The following TMED8 variants were observed in gnomAD, a reference collection of about 807,000 sequenced individuals.
The protein encoded by TMED8 is protein TMED8.
TMED8 carries 15 observed loss-of-function variants against 32.7 expected under a neutral mutation model. The observed-to-expected ratio is 0.46, with a 90% CI of 0.31 to 0.71. The LOEUF is 0.71. Ranked by LOEUF, TMED8 falls within the 30% of genes least tolerant of loss-of-function variation. The pLI, the probability that TMED8 is intolerant of heterozygous loss-of-function variation, is 0.06. For missense variants in TMED8, 390 were observed against 423.9 expected (o/e 0.92, Z 0.70); for synonymous variants, 147 against 161.4 (o/e 0.91, Z 0.68).
chr14:77,364,674 C>T (rs937413211), intron 1 of TMED8, among the ~76,000 whole-genome samples: 2 of 152,110 alleles, frequency 1.3e-5, no homozygotes. Flanking sequence ...AATACAGGCA[C>T]CCTCACCACC....
At chr14:77,353,122 G>C (rs1308704120) in intron 1 of TMED8, among the ~76,000 whole-genome samples, 1 of 152,162 alleles carries the variant, frequency 6.6e-6, no homozygotes, top group Non-Finnish European at 1.5e-5. Context: ...AACCCAGGCA[G>C]TTGTGCCCTT....
intron 1 of TMED8, among the ~76,000 whole-genome samples, chr14:77,375,148 T>C (rs533465151): frequency 6.6e-6 from 1 of 152,316 alleles, no homozygotes; most frequent in African/African-American, 2.4e-5. Flanking sequence ...TTATCATTAC[T>C]ATTATTTTAT....
At chr14:77,356,242 T>C (rs1034275064) in intron 1 of TMED8, among the ~76,000 whole-genome samples, 3 of 152,192 alleles carry the variant, frequency 2.0e-5, no homozygotes, top group African/African-American at 7.2e-5. Flanking sequence ...TACAAATACC[T>C]GCATACCTAC....
At chr14:77,363,709 T>C (rs1893489793) in intron 1 of TMED8, among the ~76,000 whole-genome samples, 3 of 136,650 alleles carry the variant, frequency 2.2e-5, no homozygotes, top group Non-Finnish European at 4.7e-5. Flanking sequence ...ATTATTCCTC[T>C]TTTTTTTTTT....
intron 1 of TMED8, among the ~76,000 whole-genome samples, chr14:77,360,973 CTTTTT>C (rs71128616): frequency 2.3e-5 from 2 of 85,488 alleles, no homozygotes; most frequent in African/African-American, 5.1e-5. Flanking sequence ...GATCCTTTGC[CTTTTT>C]TTTTTTTTTT....
At chr14:77,352,356 G>A (rs1369042233) in intron 1 of TMED8, among the ~76,000 whole-genome samples, 2 of 152,016 alleles carry the variant, frequency 1.3e-5, no homozygotes, top group African/African-American at 4.8e-5. Flanking sequence ...GGAGGTTGCA[G>A]TGAGCAGAGA....
rs575380731 is a variant in TMED8, at chr14:77,346,565, G to A, written c.198-87C>T. ...GAAACTTTGAAATAAAACAACATTC[G>A]AGATACCCCCTGCCCCACCTGCCCC... On this transcript the variant is annotated intron_variant, in intron 2 of 5. Transcript: ENST00000216468. The A allele has an allele frequency of 6.4e-6, 10 of 1,552,784 alleles. No individual in the cohort carries two copies. The East Asian group carries it at 1.1e-4, about 17-fold the overall frequency.
At chr14:77,351,635 G>T (rs1893181074) in intron 2 of TMED8, 38 bp downstream of exon 2, 14 of 1,552,170 alleles carry the variant, frequency 9.0e-6, no homozygotes, top group Non-Finnish European at 1.2e-5. Context: ...CATCTCAGAA[G>T]ATAAAACCTG....
Position 77,376,998 on chromosome 14 carries a change from G to C in TMED8, c.56C>G (p.Pro19Arg). The C allele has an allele frequency of 7.0e-7, 1 of 1,438,750 alleles. No individual in the cohort carries two copies. The highest frequency in any genetic ancestry group is 9.1e-7 in the Non-Finnish European group (1 of 1,104,620). The allele number at this position is 1,438,750 out of a possible 1,614,324, so 89.1% of individuals were successfully genotyped here. The stretch of plus-strand genomic sequence containing the variant: ...GTCCCCGACGCCGCCAGCCGACCCT[G>C]GGCGGGCTGTGGGGCTCCAGGAGCC... Reference protein sequence around the residue: ...GPGSWSPTARPGSAGGVGDCQ... With the variant: ...GPGSWSPTARRGSAGGVGDCQ... The change falls in exon 1 of 6, where the codon CCA becomes CGA. Residue 19 changes from proline to arginine, a missense_variant. Coordinates refer to ENST00000216468, the MANE Select transcript of TMED8 (RefSeq NM_213601.3). The surrounding 1 kb of genome is among the most constrained non-coding windows in gnomAD (Gnocchi z 4.0).
intron 1 of TMED8, among the ~76,000 whole-genome samples, chr14:77,362,405 T>C (rs928990373): frequency 1.3e-5 from 2 of 152,170 alleles, no homozygotes; most frequent in African/African-American, 4.8e-5. Context: ...GTTGCCAGTT[T>C]AAAATAAGCT....
chr14:77,355,174 T>TG (rs1893265714), intron 1 of TMED8, among the ~76,000 whole-genome samples: 1 of 143,512 alleles, frequency 7.0e-6, no homozygotes, highest in Non-Finnish European at 1.6e-5. Flanking sequence ...GTGTGTGTGT[T>TG]TCTGAAAGGA....
At chr14:77,347,048 A>AT (rs1198828589) in intron 2 of TMED8, among the ~76,000 whole-genome samples, 1 of 152,078 alleles carries the variant, frequency 6.6e-6, no homozygotes, top group East Asian at 1.9e-4. Flanking sequence ...CTAACACCTT[A>AT]TACCACTTGA....
chr14:77,363,118 C>T (rs905917834), intron 1 of TMED8, among the ~76,000 whole-genome samples: 4 of 152,106 alleles, frequency 2.6e-5, no homozygotes, highest in African/African-American at 9.7e-5. Flanking sequence ...CACTTAGGAC[C>T]AAATGGGCCC....
rs1259824183 is a variant in TMED8, at chr14:77,376,515, G to C, written c.118+421C>G. Among the ~76,000 whole-genome samples the C allele has an allele frequency of 6.6e-6, 1 of 152,158 alleles. No individual in the cohort carries two copies. The highest frequency in any genetic ancestry group is 2.4e-5 in the African/African-American group (1 of 41,428). On this transcript the variant is annotated intron_variant, in intron 1 of 5. Coordinates refer to ENST00000216468, the MANE Select transcript of TMED8 (RefSeq NM_213601.3). The surrounding 1 kb of genome is among the most constrained non-coding windows in gnomAD (Gnocchi z 4.0). ...GGCGCGTGGTAAGGCTGGGGCAGGG[G>C]ACTGAGATGGGGATAGGGTGGGGAG...
At chr14:77,344,370 G>A (rs11159255) in intron 3 of TMED8, among the ~76,000 whole-genome samples, 18 of 152,148 alleles carry the variant, frequency 1.2e-4, no homozygotes, top group African/African-American at 4.1e-4. Flanking sequence ...AGCCCACCTC[G>A]GGCTACAGAT....
intron 1 of TMED8, among the ~76,000 whole-genome samples, chr14:77,375,116 A>T (rs1236744251): frequency 6.6e-6 from 1 of 152,200 alleles, no homozygotes; most frequent in Admixed American, 6.5e-5. Flanking sequence ...CTGGCACAGA[A>T]TAAGCATTCA....
At chr14:77,371,529 T>G (rs1893679685) in intron 1 of TMED8, among the ~76,000 whole-genome samples, 2 of 152,360 alleles carry the variant, frequency 1.3e-5, no homozygotes, top group African/African-American at 2.4e-5. Flanking sequence ...TGCCCTAAAT[T>G]ATTTTTAATT....
In TMED8 at chr14:77,343,364, TCAC is replaced by T; in HGVS notation, c.571_573del (p.Val191del). Reference sequence around the variant, plus strand: ...TCTGGATGAGTAGGTACCCGGATGGTCACCACCTCACCACGCTTCACCACCAGA... The same window carrying T: ...TCTGGATGAGTAGGTACCCGGATGGTCACCTCACCACGCTTCACCACCAGA... On this transcript the variant is annotated inframe_deletion, in exon 5 of 6. Coordinates refer to ENST00000216468, the MANE Select transcript of TMED8 (RefSeq NM_213601.3). The T allele has an allele frequency of 6.2e-7, 1 of 1,614,160 alleles. No individual in the cohort carries two copies. Among genetic ancestry groups the T allele is most frequent in the Non-Finnish European group, 8.5e-7 (1 of 1,180,032 alleles).
At chr14:77,346,295 T>C in intron 3 of TMED8, 54 bp downstream of exon 3, 1 of 1,592,652 alleles carries the variant, frequency 6.3e-7, no homozygotes, top group Non-Finnish European at 8.6e-7. Context: ...AACCACTATG[T>C]GTCCACATTC....
Sources: gnomAD v4.1 joint callset for allele counts (sites outside exome capture counted in the v4.1 genomes callset) on GRCh38, gnomAD v4.1.1 for gene constraint, Gnocchi (gnomAD v3.1) non-coding constraint, MANE v1.5 for transcripts, NCBI Gene and HGNC (gene_info 2026-07-23, HGNC 2026-07-21) for gene names.